The following MGRN1 variants were observed in gnomAD, a reference collection of about 807,000 sequenced individuals.
MGRN1 encodes E3 ubiquitin-protein ligase MGRN1.
A neutral mutation model predicts 69.2 loss-of-function variants in MGRN1; 29 were observed. The ratio of observed to expected loss-of-function variants is 0.42; its 90% CI spans 0.31 to 0.57. MGRN1 has a LOEUF of 0.57. MGRN1 is among the 20% of genes least tolerant of loss of function. The pLI, the probability that MGRN1 is intolerant of heterozygous loss-of-function variation, is 0.15. For missense variants in MGRN1, 998 were observed against 796.2 expected (o/e 1.25, Z -3.05); for synonymous variants, 470 against 344.2 (o/e 1.37, Z -4.04).
At chr16:4,687,032 T>C in intron 16 of MGRN1, 1 of 985,660 alleles carries the variant, frequency 1.0e-6, no homozygotes, top group Non-Finnish European at 1.2e-6. Context: ...CTCCTTCCCT[T>C]GTCAGCATGG....
At chr16:4,668,695 TAC>T (rs371813767) in intron 8 of MGRN1, among the ~76,000 whole-genome samples, 5 of 150,962 alleles carry the variant, frequency 3.3e-5, no homozygotes, top group East Asian at 3.9e-4. Context: ...CTCGTACACA[TAC>T]ACACATACAC....
intron 10 of MGRN1, among the ~76,000 whole-genome samples, chr16:4,674,148 C>G (rs1348883963): frequency 6.6e-6 from 1 of 152,086 alleles, no homozygotes; most frequent in African/African-American, 2.4e-5. Flanking sequence ...CCATGGCCAG[C>G]TAATATTTTA....
At position 4,664,619 on chromosome 16, in the gene MGRN1, C is replaced by A. The variant is rs921865422; in HGVS notation, c.562-90C>A. On this transcript the variant is annotated intron_variant, in intron 5 of 16. Transcript: ENST00000262370. ...GCTCTGCTGCTGCCTCCTGCTCCTG[C>A]CTGCTTTGTCCAGCTCATTTGTTGA... The A allele has an allele frequency of 1.5e-5, 20 of 1,365,720 alleles. No individual in the cohort carries two copies. The Admixed American group carries it at 3.2e-4, about 22-fold the overall frequency. 84.6% of individuals were successfully genotyped at this position (1,365,720 alleles called of 1,614,324 possible).
intron 16 of MGRN1, 59 bp from the exon 17 acceptor site, chr16:4,688,737 C>T (rs777763276): frequency 8.7e-5 from 130 of 1,499,308 alleles, no homozygotes; most frequent in Middle Eastern, 1.8e-4. Flanking sequence ...TCGGTAGGAG[C>T]GGGTGGCGTG....
At chr16:4,679,424 C>G (rs1052692848) in intron 11 of MGRN1, among the ~76,000 whole-genome samples, 2 of 152,186 alleles carry the variant, frequency 1.3e-5, no homozygotes, top group Non-Finnish European at 2.9e-5. Flanking sequence ...CCGCCGTCCT[C>G]TCTGCATGGA....
At chr16:4,676,502 C>T (rs981477895) in intron 10 of MGRN1, among the ~76,000 whole-genome samples, 3 of 152,146 alleles carry the variant, frequency 2.0e-5, no homozygotes, top group African/African-American at 4.8e-5. Flanking sequence ...TCAGAGCTCC[C>T]GTGTGGCTTT....
At chr16:4,628,255 A>C (rs185336328) in intron 1 of MGRN1, among the ~76,000 whole-genome samples, 1 of 149,106 alleles carries the variant, frequency 6.7e-6, no homozygotes, top group Non-Finnish European at 1.5e-5. Context: ...GTGTGGTGGC[A>C]GGCGCTTGTA....
At chr16:4,648,464 G>T (rs1180997191) in intron 1 of MGRN1, among the ~76,000 whole-genome samples, 1 of 115,882 alleles carries the variant, frequency 8.6e-6, no homozygotes, top group African/African-American at 4.4e-5. Context: ...CTCTTCCCGT[G>T]GTCACCTGGC....
intron 8 of MGRN1, 66 bp from the exon 9 acceptor site, chr16:4,671,325 G>A (rs1375873496): frequency 1.3e-6 from 2 of 1,510,534 alleles, no homozygotes; most frequent in African/African-American, 2.8e-5. Context: ...GCTAGGCCAG[G>A]TGGGTATGGA....
chr16:4,680,190 G>C, intron 12 of MGRN1, 93 bp downstream of exon 12: 2 of 1,273,138 alleles, frequency 1.6e-6, no homozygotes, highest in Non-Finnish European at 2.2e-6. Context: ...CCCCAGGCTA[G>C]TGTCTGATTC....
intron 3 of MGRN1, 141 bp downstream of exon 3, chr16:4,652,192 C>T (rs1481688841): frequency 1.3e-6 from 1 of 761,548 alleles, no homozygotes; most frequent in Non-Finnish European, 2.1e-6. Flanking sequence ...GAGAGGCTGT[C>T]CTGGGCTGAG....
chr16:4,635,596 A>G (rs565373091), intron 1 of MGRN1, among the ~76,000 whole-genome samples: 19 of 151,636 alleles, frequency 1.3e-4, no homozygotes, highest in Admixed American at 4.6e-4. Context: ...CCTCTGGAGT[A>G]GCTGGGATTA....
chr16:4,663,271 C>G (rs1368854024), intron 5 of MGRN1, among the ~76,000 whole-genome samples: 25 of 151,648 alleles, frequency 1.6e-4, no homozygotes, highest in Admixed American at 1.6e-3. Flanking sequence ...ACCATATTGG[C>G]CAGGCTGGTC....
intron 1 of MGRN1, among the ~76,000 whole-genome samples, chr16:4,641,373 C>T (rs991997778): frequency 3.9e-5 from 6 of 152,080 alleles, no homozygotes; most frequent in South Asian, 2.1e-4. Context: ...GACAGAGTCA[C>T]GCTGTTGCTT....
chr16:4,672,113 C>G (rs1349666367), intron 9 of MGRN1, among the ~76,000 whole-genome samples: 1 of 152,118 alleles, frequency 6.6e-6, no homozygotes, highest in African/African-American at 2.4e-5. Context: ...ACCATGTTGG[C>G]CAGGATGGTC....
chr16:4,671,349 G>A (rs766429716), intron 8 of MGRN1, 42 bp from the exon 9 acceptor site: 2 of 1,598,386 alleles, frequency 1.3e-6, no homozygotes, highest in South Asian at 1.1e-5. Flanking sequence ...GCCCTCATAT[G>A]GCAGTTGGCG....
Position 4,683,847 on chromosome 16 carries a change from C to G in MGRN1, c.1533C>G (p.Thr511=). The change falls in exon 16 of 17, where the codon ACC becomes ACG. Residue 511 remains threonine, a synonymous_variant. Transcript: ENST00000262370. The stretch of plus-strand genomic sequence containing the variant: ...AACCTCACCCTCTGCCTGCAGGGAC[C>G]CGAGCAGCTTCCATTGAGAATGTCC... The part of the protein sequence containing the change: ...VDESSSPQQG[T]RAASIENVLQ... 1 of 1,612,776 alleles carries G rather than the reference C, an allele frequency of 6.2e-7. No homozygotes were observed. The highest frequency in any genetic ancestry group is 1.1e-5 in the South Asian group (1 of 90,914).
chr16:4,681,362 C>T, intron 12 of MGRN1, 188 bp from the exon 13 acceptor site: 2 of 595,094 alleles, frequency 3.4e-6, no homozygotes, highest in Non-Finnish European at 2.9e-6. Context: ...GGGCATCCAG[C>T]CCCGTGCTGG....
In MGRN1 at chr16:4,688,841, G is replaced by A; in HGVS notation, c.1664G>A (p.Ser555Asn). The change falls in exon 17 of 17, where the codon AGC becomes AAC. Residue 555 changes from serine (S) to asparagine (N), a missense_variant. Transcript: ENST00000262370. ...ACGGCCCACGGCCTCGCCACCACCA[G>A]CCCCACCTGGCCTCCACTTGGTGGC... ...METAHGLATT[S>N]PTWPPLGGPS... is the part of the protein sequence containing the mutation. 1 of 1,554,396 alleles carries A rather than the reference G, an allele frequency of 6.4e-7. No homozygotes were observed. The highest frequency in any genetic ancestry group is 8.7e-7 in the Non-Finnish European group (1 of 1,148,654).
Sources: allele counts gnomAD v4.1 joint callset (sites outside exome capture counted in the v4.1 genomes callset), GRCh38; gene constraint gnomAD v4.1.1; transcripts MANE v1.5; gene names NCBI Gene and HGNC (gene_info 2026-07-23, HGNC 2026-07-21).